Variants in IMMP2L observed in about 807,000 individuals in gnomAD.
IMMP2L encodes the protein mitochondrial inner membrane protease subunit 2.
A neutral mutation model predicts 19.3 loss-of-function variants in IMMP2L; 18 were observed. That is an observed-to-expected ratio of 0.93 (90% CI 0.64 to 1.38). The LOEUF is 1.38. Ranked by LOEUF, IMMP2L falls within the 40% of genes most tolerant of loss-of-function variation. The pLI is 0.00. For missense variants in IMMP2L, 233 were observed against 218.2 expected (o/e 1.07, Z -0.43); for synonymous variants, 76 against 73.0 (o/e 1.04, Z -0.21).
intron 4 of IMMP2L, among the ~76,000 whole-genome samples, chr7:110,945,010 C>A (rs1305718605): frequency 1.6e-4 from 25 of 151,742 alleles, no homozygotes; most frequent in Non-Finnish European, 4.4e-5. Flanking sequence ...AATGAAAATG[C>A]TGAGTAGGAA....
At position 111,066,646 on chromosome 7, in the gene IMMP2L, T is replaced by C. The variant is rs188171571; in HGVS notation, c.240-103081A>G. On this transcript the variant is annotated intron_variant, in intron 3 of 5. Transcript: ENST00000405709. The stretch of plus-strand genomic sequence containing the variant: ...TGCAACTCCAGATCCACTCTCCCTA[T>C]TGTTTTCCACTGTGTAGTACAGAAT... 2.1e-3 allele frequency among the ~76,000 whole-genome samples: 313 copies of C among 152,306 alleles called. 1 individual carries two copies. Among genetic ancestry groups the C allele is most frequent in the Admixed American group, 7.1e-3 (109 of 15,306 alleles).
At chr7:111,371,477 A>G (rs1830259050) in intron 3 of IMMP2L, among the ~76,000 whole-genome samples, 1 of 152,054 alleles carries the variant, frequency 6.6e-6, no homozygotes. Flanking sequence ...TGGGGTCACA[A>G]GATTTTTAAA....
intron 3 of IMMP2L, among the ~76,000 whole-genome samples, chr7:111,067,461 C>T (rs1420938009): frequency 1.3e-5 from 2 of 152,162 alleles, no homozygotes; most frequent in Non-Finnish European, 2.9e-5. Flanking sequence ...CTAGCATTTA[C>T]GAATGTGCTT....
chr7:110,779,605 T>C (rs759374431), intron 5 of IMMP2L, among the ~76,000 whole-genome samples: 28 of 151,990 alleles, frequency 1.8e-4, no homozygotes, highest in South Asian at 8.3e-4. Context: ...CACAGATTTG[T>C]GGTATTTCTA....
intron 3 of IMMP2L, among the ~76,000 whole-genome samples, chr7:111,194,451 T>C (rs1041920597): frequency 6.6e-6 from 1 of 152,164 alleles, no homozygotes; most frequent in South Asian, 2.1e-4. Flanking sequence ...TTTGTACCAT[T>C]ACACCTGTTT....
chr7:111,512,393 T>C (rs1186874731), intron 2 of IMMP2L, among the ~76,000 whole-genome samples: 1 of 152,112 alleles, frequency 6.6e-6, no homozygotes, highest in Non-Finnish European at 1.5e-5. Flanking sequence ...CAAACAAGCA[T>C]AAGGTTCCTT....
chr7:111,554,754 C>T (rs144777622), intron 1 of IMMP2L, among the ~76,000 whole-genome samples: 2 of 152,124 alleles, frequency 1.3e-5, no homozygotes, highest in East Asian at 3.9e-4. Flanking sequence ...TCTGGGATTA[C>T]AGGTACATGC....
At chr7:111,027,589 G>A (rs1056714386) in intron 3 of IMMP2L, among the ~76,000 whole-genome samples, 4 of 151,926 alleles carry the variant, frequency 2.6e-5, no homozygotes, top group Non-Finnish European at 4.4e-5. Flanking sequence ...GTTTCTTCTC[G>A]GAGGGGATTC....
chr7:111,186,928 G>A (rs112978123), intron 3 of IMMP2L, among the ~76,000 whole-genome samples: 44 of 151,240 alleles, frequency 2.9e-4, no homozygotes, highest in African/African-American at 1.0e-3. Flanking sequence ...CTTCCCCCTC[G>A]TCCTTGCTTT....
chr7:111,052,570 A>C (rs1389801780), intron 3 of IMMP2L, among the ~76,000 whole-genome samples: 1 of 152,112 alleles, frequency 6.6e-6, no homozygotes, highest in Admixed American at 6.5e-5. Context: ...ACCTTACTGT[A>C]TTGATTTATG....
intron 5 of IMMP2L, among the ~76,000 whole-genome samples, chr7:110,721,575 A>T (rs540641479): frequency 6.6e-6 from 1 of 152,052 alleles, no homozygotes; most frequent in African/African-American, 2.4e-5. Flanking sequence ...ACACACAAAC[A>T]AAAAAACACA....
intron 3 of IMMP2L, among the ~76,000 whole-genome samples, chr7:111,243,129 GAAGA>G (rs1290925466): frequency 6.6e-6 from 1 of 152,030 alleles, no homozygotes; most frequent in South Asian, 2.1e-4. Context: ...GTTGTTTTGA[GAAGA>G]AACAACAGGA....
chr7:110,816,483 T>C lies in IMMP2L; in HGVS notation c.408+70110A>G, dbSNP rs1216602599. On this transcript the variant is annotated intron_variant, in intron 5 of 5. Coordinates refer to ENST00000405709, the MANE Select transcript of IMMP2L (RefSeq NM_032549.4). ...GAGTTCTGTAGATGTCTATTAGGTC[T>C]GCTTGGTGCAGAGCTGAGTTCAATT... is the stretch of plus-strand genomic sequence containing the variant. 2.2e-4 allele frequency among the ~76,000 whole-genome samples: 34 copies of C among 151,816 alleles called. 1 individual carries two copies. Among genetic ancestry groups the C allele is most frequent in the African/African-American group, 7.5e-4 (31 of 41,500 alleles).
At position 110,681,160 on chromosome 7, in the gene IMMP2L, A is replaced by G. The variant is rs117647420; in HGVS notation, c.409-17439T>C. The stretch of plus-strand genomic sequence containing the variant: ...ATAAGGAGATTAGAAATTAACTCTA[A>G]TTCCTAATTCCACAGGTGGGAAAAC... On this transcript the variant is annotated intron_variant, in intron 5 of 5. Transcript: ENST00000405709. 2.1e-3 allele frequency among the ~76,000 whole-genome samples: 322 copies of G among 152,224 alleles called. 1 individual carries two copies. The highest frequency in any genetic ancestry group is 3.2e-3 in the Non-Finnish European group (220 of 68,006).
At position 110,727,917 on chromosome 7, in the gene IMMP2L, T is replaced by C. The variant is rs141785715; in HGVS notation, c.409-64196A>G. ...GTGCTAAGTCAACATAACAGCTACA[T>C]ACCTAACAAGCTCTGCATTGCATAC... On this transcript the variant is annotated intron_variant, in intron 5 of 5. Transcript: ENST00000405709. This position sits in a 1 kb window ranked among gnomAD's most constrained non-coding sequence, Gnocchi z 4.3. Among the ~76,000 whole-genome samples the C allele has an allele frequency of 6.5e-4, 99 of 152,300 alleles. 1 individual carries two copies. In the East Asian group the frequency reaches 0.018, roughly 27 times the overall value.
At chr7:110,735,433 C>G (rs1463810156) in intron 5 of IMMP2L, among the ~76,000 whole-genome samples, 1 of 151,886 alleles carries the variant, frequency 6.6e-6, no homozygotes, top group African/African-American at 2.4e-5. Flanking sequence ...GGCCCTGAAA[C>G]AACCAACTTC....
chr7:111,260,153 T>C (rs1478542607), intron 3 of IMMP2L, among the ~76,000 whole-genome samples: 2 of 152,212 alleles, frequency 1.3e-5, no homozygotes, highest in African/African-American at 2.4e-5. Context: ...TAACAGTTAT[T>C]TGTTATCATG....
intron 5 of IMMP2L, among the ~76,000 whole-genome samples, chr7:110,883,482 C>T (rs529228657): frequency 1.3e-5 from 2 of 152,192 alleles, no homozygotes; most frequent in Admixed American, 1.3e-4. Context: ...CTAAAAAGAA[C>T]TCATATTCAG....
intron 3 of IMMP2L, among the ~76,000 whole-genome samples, chr7:111,083,648 C>G (rs1796070086): frequency 6.6e-6 from 1 of 152,148 alleles, no homozygotes; most frequent in Non-Finnish European, 1.5e-5. Flanking sequence ...GTTCACCAAC[C>G]CCAGTTTCCT....
Sources: gnomAD v4.1 joint callset for allele counts (sites outside exome capture counted in the v4.1 genomes callset) on GRCh38, gnomAD v4.1.1 for gene constraint, Gnocchi (gnomAD v3.1) non-coding constraint, MANE v1.5 for transcripts, NCBI Gene and HGNC (gene_info 2026-07-23, HGNC 2026-07-21) for gene names.